The following GRAMD2B variants were observed in gnomAD, a reference collection of about 807,000 sequenced individuals.
GRAMD2B encodes GRAM domain containing 2B.
In GRAMD2B, 41 loss-of-function variants were observed where a neutral mutation model predicts 59.2. The observed-to-expected ratio is 0.69, with a 90% CI of 0.54 to 0.90. The LOEUF (loss-of-function observed/expected upper bound fraction) is 0.90. Among genes scored for constraint, GRAMD2B ranks in the 40% least tolerant of loss-of-function variants. The pLI is 0.00. For synonymous variants in GRAMD2B, 161 were observed against 182.7 expected (o/e 0.88, Z 0.96); for missense variants, 424 against 500.5 (o/e 0.85, Z 1.46).
intron 1 of GRAMD2B, among the ~76,000 whole-genome samples, chr5:126,428,791 T>G (rs932930638): frequency 6.6e-6 from 1 of 152,140 alleles, no homozygotes; most frequent in Non-Finnish European, 1.5e-5. Context: ...AAAAAAGCTC[T>G]ACATCACTAA....
chr5:126,371,479 T>A, exon 1 of GRAMD2B: 1 of 1,289,274 alleles, frequency 7.8e-7, no homozygotes, highest in Non-Finnish European at 1.0e-6. Context: ...TGACACGGTG[T>A]TCCGGTTTGA....
Position 126,477,718 on chromosome 5 carries a change from C to T in GRAMD2B, c.513C>T (p.Thr171=). 2.5e-6 allele frequency: 4 copies of T among 1,609,316 alleles called. No individual in the cohort carries two copies. The South Asian group carries it at 3.3e-5, about 13-fold the overall frequency. Residue 171 remains threonine (T), a synonymous_variant, in exon 6 of 14, where the codon ACC becomes ACT. Transcript: ENST00000285689. ...TKISIPAFSV[T]LIKKTKTALL... ...TCTCTATTCCAGCTTTCTCGGTAAC[C>T]CTAATAAAGAAAACCAAAACTGCTC...
intron 1 of GRAMD2B, among the ~76,000 whole-genome samples, chr5:126,392,802 A>G (rs1443850163): frequency 6.6e-6 from 1 of 152,152 alleles, no homozygotes; most frequent in Non-Finnish European, 1.5e-5. Flanking sequence ...GATTCTCATA[A>G]GGAGCACTGA....
chr5:126,409,556 T>G (rs1197380436), intron 1 of GRAMD2B, among the ~76,000 whole-genome samples: 3 of 152,172 alleles, frequency 2.0e-5, no homozygotes, highest in African/African-American at 7.2e-5. Context: ...TCTTGTAAAT[T>G]TGTTTGAGTT....
chr5:126,442,398 C>G (rs1348504585), intron 1 of GRAMD2B, among the ~76,000 whole-genome samples: 1 of 150,776 alleles, frequency 6.6e-6, no homozygotes, highest in Admixed American at 6.6e-5. Context: ...TCAAGCAATT[C>G]TCCTGCCTCA....
intron 1 of GRAMD2B, among the ~76,000 whole-genome samples, chr5:126,405,754 T>G (rs1758212089): frequency 6.6e-6 from 1 of 151,846 alleles, no homozygotes; most frequent in South Asian, 2.1e-4. Flanking sequence ...AAACACCGTT[T>G]GCTTTTCTTG....
chr5:126,441,469 C>A (rs566191587), intron 1 of GRAMD2B, among the ~76,000 whole-genome samples: 2 of 152,222 alleles, frequency 1.3e-5, no homozygotes, highest in Admixed American at 1.3e-4. Flanking sequence ...TACTTTGTCA[C>A]CTTCACACTG....
At chr5:126,408,490 T>C (rs1276639246) in intron 1 of GRAMD2B, among the ~76,000 whole-genome samples, 2 of 151,780 alleles carry the variant, frequency 1.3e-5, no homozygotes, top group African/African-American at 4.8e-5. Context: ...TGAGTCAAAA[T>C]GGTAGTTCTG....
intron 9 of GRAMD2B, 101 bp from the exon 10 acceptor site, chr5:126,484,301 T>A: frequency 7.3e-7 from 1 of 1,360,870 alleles, no homozygotes; most frequent in Non-Finnish European, 1.0e-6. Context: ...ATTCACATTC[T>A]TGACCATTAT....
upstream of GRAMD2B, among the ~76,000 whole-genome samples, chr5:126,418,501 G>T (rs1759447711): frequency 6.6e-6 from 1 of 152,144 alleles, no homozygotes; most frequent in Non-Finnish European, 1.5e-5. Flanking sequence ...CATAGTGGTT[G>T]CTTCATCTCT....
chr5:126,390,354 C>T (rs972897506), intron 1 of GRAMD2B, among the ~76,000 whole-genome samples: 5 of 152,192 alleles, frequency 3.3e-5, no homozygotes, highest in Admixed American at 1.3e-4. Flanking sequence ...TGTCAAGTGA[C>T]CTTTCCTACT....
chr5:126,414,523 G>A (rs1759095757), intron 1 of GRAMD2B, among the ~76,000 whole-genome samples: 1 of 152,144 alleles, frequency 6.6e-6, no homozygotes, highest in Non-Finnish European at 1.5e-5. Flanking sequence ...TAATGGCTCA[G>A]TCAGTCATGG....
intron 13 of GRAMD2B, 21 bp downstream of exon 13, chr5:126,488,913 G>T: frequency 6.4e-7 from 1 of 1,571,542 alleles, no homozygotes; most frequent in Non-Finnish European, 8.8e-7. Context: ...TCTTTCCTGT[G>T]TATGGGGGCA....
intron 1 of GRAMD2B, among the ~76,000 whole-genome samples, chr5:126,410,499 T>C (rs1364046462): frequency 1.3e-5 from 2 of 151,986 alleles, no homozygotes; most frequent in East Asian, 1.9e-4. Context: ...TTGTCTGTTA[T>C]TGGTGTATAA....
chr5:126,372,521 C>A (rs1754852581), intron 1 of GRAMD2B, among the ~76,000 whole-genome samples: 2 of 151,988 alleles, frequency 1.3e-5, no homozygotes, highest in Non-Finnish European at 2.9e-5. Flanking sequence ...ATTGCATTCA[C>A]ATATCAGAAT....
chr5:126,384,091 G>T (rs2149708337), intron 1 of GRAMD2B, among the ~76,000 whole-genome samples: 1 of 152,156 alleles, frequency 6.6e-6, no homozygotes, highest in East Asian at 1.9e-4. Flanking sequence ...CTAGCACTTA[G>T]CACATAGAAA....
intron 5 of GRAMD2B, among the ~76,000 whole-genome samples, chr5:126,474,572 G>A (rs1351965202): frequency 6.6e-6 from 1 of 152,122 alleles, no homozygotes; most frequent in African/African-American, 2.4e-5. Flanking sequence ...ATGGGGAAGG[G>A]GATTGGGTAG....
At chr5:126,368,697 G>T (rs569065871), upstream of GRAMD2B, among the ~76,000 whole-genome samples, 1 of 152,208 alleles carries the variant, frequency 6.6e-6, no homozygotes, top group African/African-American at 2.4e-5. Context: ...GTTCCTAAAG[G>T]CCTTTGAGTT....
chr5:126,470,365 G>A (rs1769313353), intron 3 of GRAMD2B, among the ~76,000 whole-genome samples: 1 of 152,150 alleles, frequency 6.6e-6, no homozygotes, highest in Admixed American at 6.5e-5. Flanking sequence ...ACTTGAATAT[G>A]TGTTTCCTAA....
Sources: gnomAD v4.1 joint callset for allele counts (sites outside exome capture counted in the v4.1 genomes callset) on GRCh38, gnomAD v4.1.1 for gene constraint, MANE v1.5 for transcripts, NCBI Gene and HGNC (gene_info 2026-07-23, HGNC 2026-07-21) for gene names.